SIL1: variants seen among roughly 807,000 people sequenced by gnomAD.
SIL1 encodes the protein nucleotide exchange factor SIL1.
SIL1 carries 40 observed loss-of-function variants against 49.1 expected under a neutral mutation model. That is an observed-to-expected ratio of 0.81 (90% CI 0.63 to 1.06). The LOEUF is 1.06. SIL1 is among the 50% of genes least tolerant of loss of function. The pLI, the probability that SIL1 is intolerant of heterozygous loss-of-function variation, is 0.00. For missense variants in SIL1, 500 were observed against 572.6 expected, an observed-to-expected ratio of 0.87 and a Z score of 1.29; for synonymous variants, 253 against 250.8, an observed-to-expected ratio of 1.01 and a Z score of -0.08.
At chr5:139,096,025 G>A (rs1193471285) in intron 3 of SIL1, among the ~76,000 whole-genome samples, 3 of 152,140 alleles carry the variant, frequency 2.0e-5, no homozygotes, top group African/African-American at 2.4e-5. Context: ...TTAACTCTGT[G>A]TCGCTGAAAG....
At chr5:139,067,323 T>C (rs763846357) in intron 3 of SIL1, among the ~76,000 whole-genome samples, 1 of 152,196 alleles carries the variant, frequency 6.6e-6, no homozygotes, top group Non-Finnish European at 1.5e-5. Flanking sequence ...CAAAATAGAA[T>C]GGGATAGAAG....
intron 1 of SIL1, among the ~76,000 whole-genome samples, chr5:139,186,371 C>A (rs998713212): frequency 5.3e-5 from 8 of 152,198 alleles, no homozygotes; most frequent in African/African-American, 1.9e-4. Context: ...TCCCCTCCCC[C>A]ACCTTTATTA....
chr5:139,053,283 C>A (rs778844844), intron 3 of SIL1, among the ~76,000 whole-genome samples: 1 of 152,120 alleles, frequency 6.6e-6, no homozygotes, highest in Non-Finnish European at 1.5e-5. Flanking sequence ...ACATTGATAC[C>A]CAATCTACCT....
rs144347294 is a variant in SIL1, at chr5:139,035,243, C to T, written c.453+7377G>A. On this transcript the variant is annotated intron_variant, in intron 5 of 9. Coordinates refer to ENST00000394817, the MANE Select transcript of SIL1 (RefSeq NM_022464.5). ...CACTGCAGCCCACAAACTGAGCAGT[C>T]CCCAGGATCTCTTTAATGGTTCTAG... 4.7e-3 allele frequency: 2,225 copies of T among 475,024 alleles called. 19 individuals are homozygous for T. Among genetic ancestry groups the T allele is most frequent in the South Asian group, 0.01 (586 of 58,026 alleles). The allele number at this position is 475,024 out of a possible 1,614,324, so 29.4% of individuals were successfully genotyped here. A position where few individuals can be genotyped will look rare whatever the true frequency, so the allele number is the denominator to read the frequency against.
At chr5:139,085,460 C>T (rs533728368) in intron 3 of SIL1, among the ~76,000 whole-genome samples, 4 of 152,124 alleles carry the variant, frequency 2.6e-5, no homozygotes, top group East Asian at 1.9e-4. Flanking sequence ...ATACACCTGG[C>T]GTTGGGAAAA....
chr5:138,983,761 G>A (rs1009387932), intron 7 of SIL1, among the ~76,000 whole-genome samples: 5 of 152,090 alleles, frequency 3.3e-5, no homozygotes, highest in African/African-American at 1.2e-4. Flanking sequence ...TGACAGTGAT[G>A]CCCAAGCAGA....
intron 1 of SIL1, among the ~76,000 whole-genome samples, chr5:139,174,268 G>T (rs1270700153): frequency 6.6e-6 from 1 of 152,180 alleles, no homozygotes; most frequent in Non-Finnish European, 1.5e-5. Flanking sequence ...GGGAGGCCAA[G>T]ATAGGATTGC....
Position 138,947,404 on chromosome 5 carries a change from C to T in SIL1, c.1099G>A (p.Val367Ile), listed in dbSNP as rs372908895. 45 of 1,613,512 alleles carry T rather than the reference C, an allele frequency of 2.8e-5. No homozygotes were observed. The African/African-American group carries it at 6.0e-4, about 22-fold the overall frequency. The change falls in exon 10 of 10, where the codon GTA (valine) becomes ATA (isoleucine). Residue 367 changes from valine (V) to isoleucine (I), a missense_variant. Val to Ile is a conservative substitution (Grantham distance 29). Coordinates refer to ENST00000394817, the MANE Select transcript of SIL1 (RefSeq NM_022464.5). The surrounding 1 kb of genome is among the most constrained non-coding windows in gnomAD (Gnocchi z 4.1). ...SPEKLQQYRQ[V>I]HLLPGLWEQG... is the part of the protein sequence containing the mutation. ...TCCCACAGGCCTGGCAGGAGGTGTACCTGGCGATACTGCTGCAGCTTCTCT... is the reference window on the plus strand; with the variant it reads ...TCCCACAGGCCTGGCAGGAGGTGTATCTGGCGATACTGCTGCAGCTTCTCT...
At chr5:138,955,289 C>T (rs137947160) in intron 7 of SIL1, among the ~76,000 whole-genome samples, 1 of 152,166 alleles carries the variant, frequency 6.6e-6, no homozygotes, top group South Asian at 2.1e-4. Context: ...AGGGCTAAGC[C>T]GGCTGGACTA....
chr5:139,031,241 T>C (rs576171164), intron 5 of SIL1, among the ~76,000 whole-genome samples: 7 of 152,286 alleles, frequency 4.6e-5, no homozygotes, highest in Admixed American at 4.6e-4. Flanking sequence ...CTAGAAGATT[T>C]TTTTTTTCTT....
At chr5:139,103,297 G>A (rs1356776947) in intron 3 of SIL1, among the ~76,000 whole-genome samples, 1 of 152,282 alleles carries the variant, frequency 6.6e-6, no homozygotes, top group Non-Finnish European at 1.5e-5. Context: ...TTGCACCACA[G>A]CAAGTATTCC....
At chr5:139,132,148 G>T (rs932598557) in intron 1 of SIL1, among the ~76,000 whole-genome samples, 1 of 152,152 alleles carries the variant, frequency 6.6e-6, no homozygotes, top group East Asian at 1.9e-4. Flanking sequence ...AAAAGAAGAG[G>T]AGGAAGAGCT....
At chr5:139,155,993 C>T (rs144563795) in intron 1 of SIL1, among the ~76,000 whole-genome samples, 31 of 152,188 alleles carry the variant, frequency 2.0e-4, no homozygotes, top group Admixed American at 1.6e-3. Flanking sequence ...CCACCATGCC[C>T]GGCTAACTTT....
chr5:138,965,075 A>G (rs1767109065), intron 7 of SIL1, among the ~76,000 whole-genome samples: 1 of 152,218 alleles, frequency 6.6e-6, no homozygotes, highest in Admixed American at 6.5e-5. Flanking sequence ...CTTGAGAACA[A>G]TCAAATGCTA....
intron 5 of SIL1, among the ~76,000 whole-genome samples, chr5:139,028,485 G>A (rs1053175844): frequency 6.6e-6 from 1 of 150,758 alleles, no homozygotes; most frequent in Non-Finnish European, 1.5e-5. Context: ...GCGACAGAGC[G>A]AGACTCCATC....
At chr5:138,969,612 T>C (rs908291479) in intron 7 of SIL1, among the ~76,000 whole-genome samples, 10 of 152,236 alleles carry the variant, frequency 6.6e-5, no homozygotes, top group East Asian at 1.9e-4. Flanking sequence ...CAAGGATCCA[T>C]TGAGGAGATG....
intron 7 of SIL1, among the ~76,000 whole-genome samples, chr5:138,994,473 G>C (rs977779656): frequency 6.6e-6 from 1 of 152,102 alleles, no homozygotes; most frequent in Non-Finnish European, 1.5e-5. Context: ...CATCTAACTG[G>C]AAAGACATAT....
intron 7 of SIL1, among the ~76,000 whole-genome samples, chr5:138,975,472 G>A (rs900081716): frequency 2.0e-5 from 3 of 152,188 alleles, no homozygotes; most frequent in Non-Finnish European, 4.4e-5. Context: ...TGAGGTGACT[G>A]ACTGTCCCTG....
At chr5:139,037,068 T>C (rs1442655301) in intron 5 of SIL1, among the ~76,000 whole-genome samples, 3 of 151,236 alleles carry the variant, frequency 2.0e-5, no homozygotes, top group African/African-American at 7.4e-5. Flanking sequence ...TAAAAGTGTC[T>C]TGACTTCCCT....
Sources: gnomAD v4.1 joint callset for allele counts (sites outside exome capture counted in the v4.1 genomes callset) on GRCh38, gnomAD v4.1.1 for gene constraint, Gnocchi (gnomAD v3.1) non-coding constraint, MANE v1.5 for transcripts, NCBI Gene and HGNC (gene_info 2026-07-23, HGNC 2026-07-21) for gene names.